The following SLAIN2 variants were observed in gnomAD, a reference collection of about 807,000 sequenced individuals.
SLAIN2 encodes SLAIN family member 2.
SLAIN2 carries 31 observed loss-of-function variants against 56.6 expected under a neutral mutation model. That is an observed-to-expected ratio of 0.55 (90% confidence interval 0.41 to 0.74). The LOEUF is 0.74. SLAIN2 is among the 30% of genes least tolerant of loss of function. The pLI is 0.00. For missense variants in SLAIN2, 777 were observed against 754.2 expected (o/e 1.03, Z -0.35); for synonymous variants, 317 against 284.9 (o/e 1.11, Z -1.13).
chr4:48,425,351 A>G lies in SLAIN2; in HGVS notation c.*3274A>G, dbSNP rs948663944. 3.3e-5 allele frequency: 5 copies of G among 152,160 alleles called. No individual in the cohort carries two copies. Among genetic ancestry groups the G allele is most frequent in the Non-Finnish European group, 7.4e-5 (5 of 68,000 alleles). The allele number at this position is 152,160 out of a possible 1,614,324, so 9.4% of individuals were successfully genotyped here. A position where few individuals can be genotyped will look rare whatever the true frequency, so the allele number is the denominator to read the frequency against. On this transcript the variant is annotated 3_prime_UTR_variant, in exon 8 of 8. Coordinates refer to ENST00000264313, the MANE Select transcript of SLAIN2 (RefSeq NM_020846.2). ...TAGATCATAACTATGTATGGTATCTAGTTAGAAAAAAACAAGCAAAAAGCT... is the reference window on the plus strand; with the variant it reads ...TAGATCATAACTATGTATGGTATCTGGTTAGAAAAAAACAAGCAAAAAGCT...
chr4:48,341,704 G>A lies in SLAIN2; in HGVS notation c.-36G>A. 1 of 1,521,832 alleles carries A rather than the reference G, an allele frequency of 6.6e-7. No homozygotes were observed. 94.3% of individuals were successfully genotyped at this position (1,521,832 alleles called of 1,614,324 possible). A position where few individuals can be genotyped will look rare whatever the true frequency, so the allele number is the denominator to read the frequency against. ...TCTTTCCCTGTCGCTGCGAGAGCGA[G>A]CGGGCGGCGGAGGCGGCGGCGGCGG... On this transcript the variant is annotated 5_prime_UTR_variant, in exon 1 of 8. Coordinates refer to ENST00000264313, the MANE Select transcript of SLAIN2 (RefSeq NM_020846.2).
At chr4:48,359,830 C>T (rs1300307593) in intron 1 of SLAIN2, among the ~76,000 whole-genome samples, 1 of 152,106 alleles carries the variant, frequency 6.6e-6, no homozygotes, top group African/African-American at 2.4e-5. Flanking sequence ...TTTCTAATAA[C>T]TCAGTATTTA....
intron 2 of SLAIN2, 87 bp downstream of exon 2, chr4:48,370,084 C>A: frequency 1.5e-6 from 2 of 1,338,588 alleles, no homozygotes; most frequent in Non-Finnish European, 2.0e-6. Context: ...TTTTAGGAAG[C>A]AATTCTTTGG....
At chr4:48,395,909 A>G (rs189534221) in intron 6 of SLAIN2, among the ~76,000 whole-genome samples, 132 of 145,300 alleles carry the variant, frequency 9.1e-4, no homozygotes, top group African/African-American at 3.2e-3. Context: ...ACACTGTGGT[A>G]TCTAAACTAG....
intron 6 of SLAIN2, among the ~76,000 whole-genome samples, chr4:48,392,101 G>A (rs146211403): frequency 4.7e-4 from 72 of 152,292 alleles, no homozygotes; most frequent in African/African-American, 1.6e-3. Context: ...TCATTTAAAA[G>A]TGATTTTGTC....
At chr4:48,410,955 GCTCCTCCTCTTC>G (rs1205125605) in intron 6 of SLAIN2, among the ~76,000 whole-genome samples, 2 of 152,146 alleles carry the variant, frequency 1.3e-5, no homozygotes, top group Non-Finnish European at 2.9e-5. Context: ...AACAGTGATG[GCTCCTCCTCTTC>G]CTCCTCCTCT....
chr4:48,370,283 C>G (rs1337120296), intron 2 of SLAIN2, among the ~76,000 whole-genome samples: 1 of 152,136 alleles, frequency 6.6e-6, no homozygotes, highest in African/African-American at 2.4e-5. Flanking sequence ...AGTTAAATAA[C>G]TATTAAAATA....
In SLAIN2 at chr4:48,424,328, G is replaced by C. The variant is rs1440370711; in HGVS notation, c.*2251G>C. 4 of 152,064 alleles carry C rather than the reference G, an allele frequency of 2.6e-5. No homozygotes were observed. Among genetic ancestry groups the C allele is most frequent in the Non-Finnish European group, 5.9e-5 (4 of 67,976 alleles). The allele number at this position is 152,064 out of a possible 1,614,324, so 9.4% of individuals were successfully genotyped here. On this transcript the variant is annotated 3_prime_UTR_variant, in exon 8 of 8. Transcript: ENST00000264313. ...AATTTTTCTGTTTGGGAAAATCTAAGGATTTACTGTGGTTAGTCTTACAGA... is the reference window on the plus strand; with the variant it reads ...AATTTTTCTGTTTGGGAAAATCTAACGATTTACTGTGGTTAGTCTTACAGA...
At chr4:48,389,055 A>G (rs1250637501) in intron 6 of SLAIN2, among the ~76,000 whole-genome samples, 1 of 152,222 alleles carries the variant, frequency 6.6e-6, no homozygotes, top group Non-Finnish European at 1.5e-5. Context: ...CTACCAAAAC[A>G]CTAGTAGATT....
chr4:48,371,369 G>A (rs1715660291), intron 2 of SLAIN2, among the ~76,000 whole-genome samples: 1 of 151,996 alleles, frequency 6.6e-6, no homozygotes. Flanking sequence ...CACCATGCCT[G>A]GCCAAAGAAG....
intron 1 of SLAIN2, among the ~76,000 whole-genome samples, chr4:48,363,724 G>T (rs1715408285): frequency 8.6e-6 from 1 of 116,846 alleles, no homozygotes; most frequent in African/African-American, 2.9e-5. Flanking sequence ...CTCCCAGACG[G>T]GGCGGCTGGC....
chr4:48,420,209 G>A lies in SLAIN2; in HGVS notation c.1445G>A (p.Gly482Asp), dbSNP rs146342071. ...RQPVKAFSNHGSGSPGSQEIT... is the reference protein window; with the variant it reads ...RQPVKAFSNHDSGSPGSQEIT... ...CCAGTGAAAGCATTTAGTAACCATG[G>A]CTCTGGTTCTCCTGGTAGCCAAGAA... The change falls in exon 7 of 8, where the codon GGC becomes GAC. Residue 482 changes from glycine (G) to aspartate (D), a missense_variant. Transcript: ENST00000264313. 4.5e-5 allele frequency: 72 copies of A among 1,613,898 alleles called. No homozygotes were observed. The East Asian group carries it at 1.6e-3, about 35-fold the overall frequency.
chr4:48,398,391 A>G (rs1274039753), intron 6 of SLAIN2, among the ~76,000 whole-genome samples: 14 of 152,148 alleles, frequency 9.2e-5, no homozygotes, highest in Non-Finnish European at 2.9e-5. Context: ...GACTCTGGAT[A>G]GTAGACCTTT....
rs3081372 is a variant in SLAIN2, at chr4:48,400,388, CTTTTTTTTT to C, written c.1360+16622_1360+16630del. Among the ~76,000 whole-genome samples the C allele has an allele frequency of 5.6e-3, 543 of 96,492 alleles. 26 individuals carry two copies. The highest frequency in any genetic ancestry group is 0.019 in the African/African-American group (437 of 23,582). 63.3% of individuals were successfully genotyped at this position (96,492 alleles called of 152,430 possible). ...TTCTGATTGTGTCTGTTTGATTCTTCTTTTTTTTTTTTTTTTTTTTTTTTTTGAGACAGA... is the reference window on the plus strand; with the variant it reads ...TTCTGATTGTGTCTGTTTGATTCTTCTTTTTTTTTTTTTTTTTGAGACAGA... On this transcript the variant is annotated intron_variant, in intron 6 of 7. Transcript: ENST00000264313.
chr4:48,401,471 CA>C (rs1716554961), intron 6 of SLAIN2, among the ~76,000 whole-genome samples: 1 of 152,162 alleles, frequency 6.6e-6, no homozygotes, highest in Non-Finnish European at 1.5e-5. Context: ...TATTGGGTTA[CA>C]TATATACTTA....
At chr4:48,349,311 T>G (rs1714949484) in intron 1 of SLAIN2, among the ~76,000 whole-genome samples, 2 of 152,220 alleles carry the variant, frequency 1.3e-5, no homozygotes, top group Non-Finnish European at 2.9e-5. Context: ...TCAGTGACAT[T>G]AATTTAAATG....
At position 48,392,676 on chromosome 4, in the gene SLAIN2, G is replaced by T. The variant is rs190342433; in HGVS notation, c.1360+8892G>T. Among the ~76,000 whole-genome samples, 18 of 151,884 alleles carry T rather than the reference G, an allele frequency of 1.2e-4. No individual in the cohort carries two copies. The East Asian group carries it at 3.1e-3, about 26-fold the overall frequency. On this transcript the variant is annotated intron_variant, in intron 6 of 7. Transcript: ENST00000264313. Reference sequence around the variant, plus strand: ...ATAGCTTACTTCCTATCTTTTTTCAGATTTCTATGCAAATGTCATCTTAGG... The same window carrying T: ...ATAGCTTACTTCCTATCTTTTTTCATATTTCTATGCAAATGTCATCTTAGG...
rs1876834 is a variant in SLAIN2, at chr4:48,341,676, G to A, written c.-64G>A. 433,089 of 1,501,328 alleles carry A rather than the reference G, an allele frequency of 0.29. 64,281 individuals carry two copies. Among genetic ancestry groups the A allele is most frequent in the South Asian group, 0.45 (35,214 of 77,864 alleles). 93.0% of individuals were successfully genotyped at this position (1,501,328 alleles called of 1,614,324 possible). ...AGCGGCGGCGACGCCTCTTTCCTCC[G>A]TCTCTTTCCCTGTCGCTGCGAGAGC... On this transcript the variant is annotated 5_prime_UTR_variant, in exon 1 of 8. Coordinates refer to ENST00000264313, the MANE Select transcript of SLAIN2 (RefSeq NM_020846.2).
chr4:48,397,820 G>C (rs1716442854), intron 6 of SLAIN2, among the ~76,000 whole-genome samples: 1 of 152,104 alleles, frequency 6.6e-6, no homozygotes, highest in African/African-American at 2.4e-5. Flanking sequence ...CTATGTCCCT[G>C]CAAAGGACAT....
Sources: allele counts gnomAD v4.1 joint callset (sites outside exome capture counted in the v4.1 genomes callset), GRCh38; gene constraint gnomAD v4.1.1; transcripts MANE v1.5; gene names NCBI Gene and HGNC (gene_info 2026-07-23, HGNC 2026-07-21).